ADAMTS2: variants seen among roughly 807,000 people sequenced by gnomAD.
ADAMTS2 encodes ADAM metallopeptidase with thrombospondin type 1 motif 2, also known as A disintegrin and metalloproteinase with thrombospondin motifs 2.
In ADAMTS2, 50 loss-of-function variants were observed where a neutral mutation model predicts 123.0. The observed-to-expected ratio is 0.41, with a 90% confidence interval of 0.32 to 0.51. ADAMTS2 has a LOEUF of 0.51. Among genes scored for constraint, ADAMTS2 ranks in the 20% least tolerant of loss-of-function variants. ADAMTS2 has a pLI of 0.35. For missense variants in ADAMTS2, 1,494 were observed against 1,705.2 expected, an observed-to-expected ratio of 0.88 and a Z score of 2.18; for synonymous variants, 678 against 695.4, an observed-to-expected ratio of 0.98 and a Z score of 0.39.
At chr5:179,323,045 G>T (rs1433346303) in intron 2 of ADAMTS2, among the ~76,000 whole-genome samples, 2 of 152,232 alleles carry the variant, frequency 1.3e-5, no homozygotes, top group Admixed American at 6.5e-5. Context: ...CCACTCCAGA[G>T]CCAAGACTGA....
At chr5:179,310,520 G>A in intron 2 of ADAMTS2, among the ~76,000 whole-genome samples, 1 of 152,182 alleles carries the variant, frequency 6.6e-6, no homozygotes, top group East Asian at 1.9e-4. Context: ...AGAAGAATCT[G>A]ATTGGCGTCT....
At chr5:179,324,319 T>C (rs1255499316) in intron 2 of ADAMTS2, among the ~76,000 whole-genome samples, 1 of 152,186 alleles carries the variant, frequency 6.6e-6, no homozygotes, top group African/African-American at 2.4e-5. Flanking sequence ...ATAACATTAT[T>C]ATCAAAAATG....
rs138721725 is a variant in ADAMTS2 at position 179,335,285 on chromosome 5, C to A, written c.534+8482G>T. 6.6e-5 allele frequency among the ~76,000 whole-genome samples: 10 copies of A among 152,202 alleles called. No individual in the cohort carries two copies. The East Asian group carries it at 1.9e-3, about 29-fold the overall frequency. On this transcript the variant is annotated intron_variant, in intron 2 of 21. Coordinates refer to ENST00000251582, the MANE Select transcript of ADAMTS2 (RefSeq NM_014244.5). ...TTAACCCAGTATGCCCAAAATATTA[C>A]CATTTCAACCTGTAATCAATACTTT...
At chr5:179,270,973 A>G (rs922647845) in intron 3 of ADAMTS2, among the ~76,000 whole-genome samples, 4 of 151,636 alleles carry the variant, frequency 2.6e-5, no homozygotes, top group African/African-American at 9.7e-5. Context: ...GGACAGGCTC[A>G]CCTCCTCCCC....
rs2113169319 is a variant in ADAMTS2, at chr5:179,117,749, G to C, written c.3179-3425C>G. On this transcript the variant is annotated intron_variant, in intron 21 of 21. Coordinates refer to ENST00000251582, the MANE Select transcript of ADAMTS2 (RefSeq NM_014244.5). The surrounding 1 kb of genome is among the most constrained non-coding windows in gnomAD (Gnocchi z 4.2). ...GACGGGGTTTCGCTATGTTGGTCAG[G>C]CTGGTCTTGAACTCCTGACCTTGTG... 6.6e-6 allele frequency among the ~76,000 whole-genome samples: 1 copy of C among 152,140 alleles called. No individual in the cohort carries two copies. Among genetic ancestry groups the C allele is most frequent in the East Asian group, 1.9e-4 (1 of 5,168 alleles).
In ADAMTS2 at chr5:179,222,269, C is replaced by T. The variant is rs77607225; in HGVS notation, c.689-14554G>A. ...TCATACTCCCCACACAGCACCCAGA[C>T]CACGGTGTTGACGAGGCTTAATTTG... On this transcript the variant is annotated intron_variant, in intron 3 of 21. Coordinates refer to ENST00000251582, the MANE Select transcript of ADAMTS2 (RefSeq NM_014244.5). Among the ~76,000 whole-genome samples, 69 of 152,306 alleles carry T rather than the reference C, an allele frequency of 4.5e-4. No homozygotes were observed. The East Asian group carries it at 0.012, about 27-fold the overall frequency.
intron 2 of ADAMTS2, among the ~76,000 whole-genome samples, chr5:179,299,338 G>A (rs1364994942): frequency 1.9e-5 from 1 of 51,538 alleles, no homozygotes; most frequent in Admixed American, 2.6e-4. Flanking sequence ...GACCATCCTG[G>A]CTAACACGGT....
intron 2 of ADAMTS2, among the ~76,000 whole-genome samples, chr5:179,326,139 C>T (rs934916543): frequency 4.6e-5 from 7 of 152,128 alleles, no homozygotes; most frequent in African/African-American, 9.7e-5. Flanking sequence ...AAATCTTTTC[C>T]GCATCTTGAC....
chr5:179,311,977 G>C (rs570258528), intron 2 of ADAMTS2, among the ~76,000 whole-genome samples: 1 of 152,204 alleles, frequency 6.6e-6, no homozygotes, highest in Non-Finnish European at 1.5e-5. Flanking sequence ...AATGACAGCA[G>C]TGGGGAGGAG....
intron 2 of ADAMTS2, among the ~76,000 whole-genome samples, chr5:179,292,582 G>C (rs74511260): frequency 0.034 from 5,234 of 151,812 alleles, 304 homozygotes; most frequent in African/African-American, 0.12. Flanking sequence ...TGTCTATATA[G>C]ACAGGAGTCC....
At chr5:179,151,897 G>T (rs983861858) in intron 10 of ADAMTS2, among the ~76,000 whole-genome samples, 2 of 152,180 alleles carry the variant, frequency 1.3e-5, no homozygotes, top group African/African-American at 4.8e-5. Context: ...ATTCCTGAGT[G>T]GGGGGCATGA....
At position 179,314,338 on chromosome 5, in the gene ADAMTS2, G is replaced by A. The variant is rs1348318546; in HGVS notation, c.534+29429C>T. ...GCCTCCTGGCTGCCACGTCTCACTG[G>A]GAGCTGGGCGGCCGCCAGCTCTGAG... is the stretch of plus-strand genomic sequence containing the variant. On this transcript the variant is annotated intron_variant, in intron 2 of 21. Transcript: ENST00000251582. This position sits in a 1 kb window ranked among gnomAD's most constrained non-coding sequence, Gnocchi z 4.5. Among the ~76,000 whole-genome samples, 2 of 152,240 alleles carry A rather than the reference G, an allele frequency of 1.3e-5. No individual in the cohort carries two copies. Among genetic ancestry groups the A allele is most frequent in the African/African-American group, 4.8e-5 (2 of 41,470 alleles).
At chr5:179,258,181 G>A (rs1045186871) in intron 3 of ADAMTS2, among the ~76,000 whole-genome samples, 6 of 152,160 alleles carry the variant, frequency 3.9e-5, no homozygotes, top group Non-Finnish European at 7.4e-5. Context: ...GCTGGGGCTG[G>A]GACTGCCCAT....
chr5:179,231,508 G>A (rs1409736478), intron 3 of ADAMTS2, among the ~76,000 whole-genome samples: 1 of 152,184 alleles, frequency 6.6e-6, no homozygotes, highest in Non-Finnish European at 1.5e-5. Context: ...CCCGGTGTCT[G>A]CACAAATCCA....
At chr5:179,172,387 G>C (rs1488791989) in intron 5 of ADAMTS2, among the ~76,000 whole-genome samples, 2 of 152,226 alleles carry the variant, frequency 1.3e-5, no homozygotes, top group African/African-American at 4.8e-5. Flanking sequence ...TTCTGCAGGT[G>C]CATGAGGGGT....
intron 2 of ADAMTS2, among the ~76,000 whole-genome samples, chr5:179,337,092 C>T (rs1757632593): frequency 6.6e-6 from 1 of 152,202 alleles, no homozygotes; most frequent in Non-Finnish European, 1.5e-5. Context: ...TTAATGGCAG[C>T]ACCGCAGACC....
At chr5:179,342,986 G>A (rs1268756649) in intron 2 of ADAMTS2, among the ~76,000 whole-genome samples, 1 of 148,962 alleles carries the variant, frequency 6.7e-6, no homozygotes, top group Non-Finnish European at 1.5e-5. Context: ...TCCTTCAGGC[G>A]CTGCCCCCAA....
intron 5 of ADAMTS2, among the ~76,000 whole-genome samples, chr5:179,177,049 G>A (rs1229992351): frequency 1.3e-5 from 2 of 152,158 alleles, no homozygotes; most frequent in Non-Finnish European, 2.9e-5. Flanking sequence ...CTGAGCCCTG[G>A]TACAATTGTT....
intron 10 of ADAMTS2, among the ~76,000 whole-genome samples, chr5:179,141,081 C>G (rs1160361588): frequency 6.6e-6 from 1 of 151,926 alleles, no homozygotes; most frequent in East Asian, 1.9e-4. Flanking sequence ...TTCCAAAGTG[C>G]TAGGATTACA....
Sources: gnomAD v4.1 joint callset for allele counts (sites outside exome capture counted in the v4.1 genomes callset) on GRCh38, gnomAD v4.1.1 for gene constraint, Gnocchi (gnomAD v3.1) non-coding constraint, MANE v1.5 for transcripts, NCBI Gene and HGNC (gene_info 2026-07-23, HGNC 2026-07-21) for gene names.